The following TTC29 variants were observed in gnomAD, a reference collection of about 807,000 sequenced individuals.
TTC29 encodes the protein tetratricopeptide repeat domain 29, also known as tetratricopeptide repeat protein 29.
Under a neutral mutation model 58.1 loss-of-function variants are expected in TTC29, and 49 were observed. The observed-to-expected ratio is 0.84, with a 90% CI of 0.67 to 1.07. The LOEUF is 1.07. Among genes scored for constraint, TTC29 ranks in the 50% least tolerant of loss-of-function variants. The pLI is 0.00. For synonymous variants in TTC29, 209 were observed against 196.8 expected (o/e 1.06, Z -0.52); for missense variants, 582 against 555.6 (o/e 1.05, Z -0.48).
intron 10 of TTC29, among the ~76,000 whole-genome samples, chr4:146,807,258 T>C (rs1289754404): frequency 6.6e-6 from 1 of 152,216 alleles, no homozygotes; most frequent in Non-Finnish European, 1.5e-5. Context: ...GAGAAATTTA[T>C]AGCACTAAAT....
chr4:146,717,175 C>A (rs1038763998), intron 11 of TTC29, among the ~76,000 whole-genome samples: 7 of 152,118 alleles, frequency 4.6e-5, no homozygotes, highest in African/African-American at 1.7e-4. Context: ...GGCTGTTGCT[C>A]AGTTGCAACA....
chr4:146,768,075 AT>A (rs1747461244), intron 11 of TTC29, among the ~76,000 whole-genome samples: 1 of 152,042 alleles, frequency 6.6e-6, no homozygotes, highest in Non-Finnish European at 1.5e-5. Context: ...CAGGGAATTT[AT>A]TTGTCAGGAA....
At chr4:146,928,056 C>A (rs1323670347) in intron 4 of TTC29, among the ~76,000 whole-genome samples, 2 of 152,082 alleles carry the variant, frequency 1.3e-5, no homozygotes, top group African/African-American at 4.8e-5. Context: ...GCAAGTTTAT[C>A]TAATACAGTC....
intron 10 of TTC29, among the ~76,000 whole-genome samples, chr4:146,811,420 C>T (rs1561147893): frequency 1.3e-5 from 2 of 152,126 alleles, no homozygotes; most frequent in African/African-American, 2.4e-5. Flanking sequence ...TAGGATTGAT[C>T]TACATTTGTA....
In TTC29 at chr4:146,942,487, AT is replaced by A. The variant is rs1305660743; in HGVS notation, c.-7+2543del. On this transcript the variant is annotated intron_variant, in intron 2 of 12. Transcript: ENST00000325106. ...TACTGGAATAACAAGAACTTACTAA[AT>A]GGCAGCATCATACAGAGCATATGGT... The A allele has an allele frequency of 6.1e-5, 35 of 569,848 alleles. No individual in the cohort carries two copies. In the East Asian group the frequency reaches 9.8e-4, roughly 16 times the overall value. 35.3% of individuals were successfully genotyped at this position (569,848 alleles called of 1,614,324 possible).
intron 11 of TTC29, among the ~76,000 whole-genome samples, chr4:146,728,758 TGTAC>T (rs1434382022): frequency 2.4e-5 from 3 of 126,710 alleles, no homozygotes; most frequent in Admixed American, 8.0e-5. Flanking sequence ...AGAGGATATA[TGTAC>T]ATATATATAC....
intron 11 of TTC29, among the ~76,000 whole-genome samples, chr4:146,778,934 A>G (rs1025499220): frequency 1.3e-5 from 2 of 148,370 alleles, no homozygotes; most frequent in African/African-American, 5.0e-5. Context: ...CTGCTACCCA[A>G]TATATCCATG....
chr4:146,942,769 T>A, intron 2 of TTC29: 1 of 643,278 alleles, frequency 1.6e-6, no homozygotes, highest in Non-Finnish European at 2.5e-6. Flanking sequence ...TTAGACTCTT[T>A]TCTAAAAGCC....
Position 146,736,265 on chromosome 4 carries a change from C to T in TTC29, c.1331-28714G>A, listed in dbSNP as rs1039708648. 6.6e-5 allele frequency among the ~76,000 whole-genome samples: 10 copies of T among 151,072 alleles called. No individual in the cohort carries two copies. The East Asian group carries it at 9.8e-4, about 15-fold the overall frequency. On this transcript the variant is annotated intron_variant, in intron 11 of 12. Transcript: ENST00000325106. ...TGCACAGGAGTGGGTAAAATGGTCT[C>T]GGTGAGAGTGGAGAAGAGAAGTTCC...
chr4:146,848,369 T>C (rs76604257), intron 8 of TTC29, among the ~76,000 whole-genome samples: 3,848 of 152,302 alleles, frequency 0.025, 61 homozygotes, highest in Middle Eastern at 0.048. Context: ...CTGTGTAATA[T>C]TATAAGATGA....
At chr4:146,930,597 T>A (rs1735266043) in intron 4 of TTC29, among the ~76,000 whole-genome samples, 1 of 152,240 alleles carries the variant, frequency 6.6e-6, no homozygotes, top group South Asian at 2.1e-4. Flanking sequence ...TTCTCCATAG[T>A]TGCAGTAACC....
At chr4:146,728,796 T>C (rs1229091368) in intron 11 of TTC29, among the ~76,000 whole-genome samples, 8 of 131,026 alleles carry the variant, frequency 6.1e-5, no homozygotes, top group African/African-American at 1.1e-4. Flanking sequence ...TATATATACG[T>C]ATATATACAC....
intron 11 of TTC29, among the ~76,000 whole-genome samples, chr4:146,725,273 C>T (rs1743686241): frequency 6.6e-6 from 1 of 152,176 alleles, no homozygotes; most frequent in African/African-American, 2.4e-5. Context: ...GTAGATCACA[C>T]CTGTAATCCC....
At chr4:146,785,760 A>C (rs2150094326) in intron 11 of TTC29, among the ~76,000 whole-genome samples, 1 of 152,288 alleles carries the variant, frequency 6.6e-6, no homozygotes, top group Admixed American at 6.5e-5. Flanking sequence ...CTGTGGTCTA[A>C]TAATAAAAGA....
chr4:146,769,589 T>C (rs904436077), intron 11 of TTC29, among the ~76,000 whole-genome samples: 1 of 151,972 alleles, frequency 6.6e-6, no homozygotes, highest in Non-Finnish European at 1.5e-5. Context: ...CAAAAGAAAG[T>C]CAGTCCCCAC....
chr4:146,744,217 C>T (rs540527725), intron 11 of TTC29, among the ~76,000 whole-genome samples: 1 of 152,002 alleles, frequency 6.6e-6, no homozygotes, highest in South Asian at 2.1e-4. Flanking sequence ...GCTTAGGATG[C>T]GTACGTGTAA....
At chr4:146,908,909 G>C in intron 5 of TTC29, 117 bp downstream of exon 5, 2 of 853,986 alleles carry the variant, frequency 2.3e-6, no homozygotes, top group Non-Finnish European at 3.7e-6. Flanking sequence ...TGACTGGGTT[G>C]AAGTGTGCTA....
At chr4:146,832,277 T>C (rs552216166) in intron 9 of TTC29, among the ~76,000 whole-genome samples, 2 of 152,166 alleles carry the variant, frequency 1.3e-5, no homozygotes, top group Admixed American at 1.3e-4. Context: ...CAGACATAAA[T>C]TGAATTCTTA....
intron 11 of TTC29, among the ~76,000 whole-genome samples, chr4:146,723,119 G>A (rs755103707): frequency 6.6e-5 from 10 of 152,134 alleles, no homozygotes; most frequent in East Asian, 3.9e-4. Flanking sequence ...GTGGTGGCAC[G>A]TGCCTATAAT....
Sources: allele counts gnomAD v4.1 joint callset (sites outside exome capture counted in the v4.1 genomes callset), GRCh38; gene constraint gnomAD v4.1.1; transcripts MANE v1.5; gene names NCBI Gene and HGNC (gene_info 2026-07-23, HGNC 2026-07-21).